The following UBE2K variants were observed in gnomAD, a reference collection of about 807,000 sequenced individuals.
UBE2K encodes ubiquitin conjugating enzyme E2 K, also known as ubiquitin-conjugating enzyme E2 K.
A neutral mutation model predicts 30.0 loss-of-function variants in UBE2K; 6 were observed. The observed-to-expected ratio is 0.20, with a 90% CI of 0.11 to 0.39. The LOEUF (loss-of-function observed/expected upper bound fraction) is 0.39. UBE2K is among the 10% of genes least tolerant of loss of function. UBE2K has a pLI of 1.00. For missense variants in UBE2K, 61 were observed against 241.6 expected (o/e 0.25, Z 4.96); for synonymous variants, 86 against 83.7 (o/e 1.03, Z -0.15).
chr4:39,770,552 T>C, intron 4 of UBE2K: 2 of 1,594,452 alleles, frequency 1.3e-6, no homozygotes, highest in South Asian at 2.2e-5. Flanking sequence ...CCGCCGCTGC[T>C]GCTTCCACCA....
intron 3 of UBE2K, among the ~76,000 whole-genome samples, chr4:39,749,190 G>A (rs890634481): frequency 6.6e-6 from 1 of 152,266 alleles, no homozygotes; most frequent in Admixed American, 6.5e-5. Context: ...ATTATTGACC[G>A]GAAGAGTAGG....
At chr4:39,700,411 C>T (rs1717943943) in intron 1 of UBE2K, among the ~76,000 whole-genome samples, 1 of 152,026 alleles carries the variant, frequency 6.6e-6, no homozygotes. Flanking sequence ...TTGTTTAGAA[C>T]AGTACCTGTA....
chr4:39,751,582 G>A (rs1721253382), intron 3 of UBE2K, among the ~76,000 whole-genome samples: 1 of 152,210 alleles, frequency 6.6e-6, no homozygotes, highest in East Asian at 1.9e-4. Context: ...AGGAGGCTGA[G>A]GCAGAAGAAT....
intron 1 of UBE2K, among the ~76,000 whole-genome samples, chr4:39,709,698 T>C (rs1283444365): frequency 6.6e-6 from 1 of 152,054 alleles, no homozygotes; most frequent in Middle Eastern, 3.2e-3. Flanking sequence ...TACAAAGGAA[T>C]ATATGTGGGC....
chr4:39,725,786 G>A (rs893181321), intron 1 of UBE2K, among the ~76,000 whole-genome samples: 3 of 152,070 alleles, frequency 2.0e-5, no homozygotes, highest in African/African-American at 7.2e-5. Flanking sequence ...GGGACTACAG[G>A]TGCACACCAC....
At chr4:39,771,383 T>G in intron 4 of UBE2K, 1 of 1,612,396 alleles carries the variant, frequency 6.2e-7, no homozygotes, top group South Asian at 1.1e-5. Flanking sequence ...TTCCGTAGCG[T>G]AGCGGCCTAG....
chr4:39,758,537 G>A (rs898878289), intron 4 of UBE2K, among the ~76,000 whole-genome samples: 1 of 152,134 alleles, frequency 6.6e-6, no homozygotes, highest in Non-Finnish European at 1.5e-5. Flanking sequence ...AATTAGCTGG[G>A]CATGGTGGTG....
chr4:39,781,450 C>T lies in UBE2K; in HGVS notation c.*3016C>T, dbSNP rs1003032168. The T allele has an allele frequency of 6.6e-6, 1 of 152,444 alleles. No homozygotes were observed. The highest frequency in any genetic ancestry group is 1.5e-5 in the Non-Finnish European group (1 of 68,364). The allele number at this position is 152,444 out of a possible 1,614,324, so 9.4% of individuals were successfully genotyped here. A position where few individuals can be genotyped will look rare whatever the true frequency, so the allele number is the denominator to read the frequency against. ...TTTAAACGGATTTTGCTTATTTATG[C>T]ACTACAGAATGCAGCATACTGTATT... is the stretch of plus-strand genomic sequence containing the variant. On this transcript the variant is annotated 3_prime_UTR_variant, in exon 7 of 7. Coordinates refer to ENST00000261427, the MANE Select transcript of UBE2K (RefSeq NM_005339.5).
At chr4:39,776,275 A>G (rs1248114116) in intron 5 of UBE2K, among the ~76,000 whole-genome samples, 6 of 152,274 alleles carry the variant, frequency 3.9e-5, no homozygotes, top group South Asian at 2.1e-4. Flanking sequence ...TTCTGTCACT[A>G]TATTTACATA....
intron 3 of UBE2K, among the ~76,000 whole-genome samples, 174 bp downstream of exon 3, chr4:39,745,984 A>G (rs1451365917): frequency 6.6e-6 from 1 of 152,142 alleles, no homozygotes; most frequent in African/African-American, 2.4e-5. Context: ...TTCTGAAATT[A>G]GAATGAAAAG....
In UBE2K at chr4:39,708,874, C is replaced by T. The variant is rs1189688298; in HGVS notation, c.63+10484C>T. Among the ~76,000 whole-genome samples the T allele has an allele frequency of 2.7e-5, 4 of 150,320 alleles. No individual in the cohort carries two copies. In the East Asian group the frequency reaches 7.8e-4, roughly 29 times the overall value. On this transcript the variant is annotated intron_variant, in intron 1 of 6. Coordinates refer to ENST00000261427, the MANE Select transcript of UBE2K (RefSeq NM_005339.5). ...TAAATGATAGTATAAAAGCTGACTGCTAATACAACTTTACAGAAGGGGATA... is the reference window on the plus strand; with the variant it reads ...TAAATGATAGTATAAAAGCTGACTGTTAATACAACTTTACAGAAGGGGATA...
chr4:39,745,848 TATTTTATATTTCTGACCTC>T (rs773621199), intron 3 of UBE2K, 38 bp downstream of exon 3: 3 of 1,445,754 alleles, frequency 2.1e-6, no homozygotes, highest in Non-Finnish European at 2.8e-6. Flanking sequence ...AGTTACAAAA[TATTTTATATTTCTGACCTC>T]ATTTTATTAA....
chr4:39,745,850 T>C lies in UBE2K; in HGVS notation c.216+40T>C, dbSNP rs752696182. 2.8e-6 allele frequency: 4 copies of C among 1,446,074 alleles called. No individual in the cohort carries two copies. In the Admixed American group the frequency reaches 6.3e-5, roughly 23 times the overall value. The allele number at this position is 1,446,074 out of a possible 1,614,324, so 89.6% of individuals were successfully genotyped here. A position where few individuals can be genotyped will look rare whatever the true frequency, so the allele number is the denominator to read the frequency against. ...TTTTTGTGCATGAAGTTACAAAATA[T>C]TTTATATTTCTGACCTCATTTTATT... On this transcript the variant is annotated intron_variant, in intron 3 of 6. Transcript: ENST00000261427.
rs563567637 is a variant in UBE2K, at chr4:39,744,222, T to C, written c.158-1530T>C. ...AGTACCCCAGTTGTGAGAAGCTAGA[T>C]TGTGAAGTGGCACAATCTGGGCTCA... On this transcript the variant is annotated intron_variant, in intron 2 of 6. Transcript: ENST00000261427. Among the ~76,000 whole-genome samples the C allele has an allele frequency of 4.6e-4, 70 of 151,660 alleles. 1 individual carries two copies. Among genetic ancestry groups the C allele is most frequent in the Admixed American group, 1.4e-3 (22 of 15,188 alleles).
At chr4:39,717,163 A>G (rs1245060733) in intron 1 of UBE2K, among the ~76,000 whole-genome samples, 2 of 152,044 alleles carry the variant, frequency 1.3e-5, no homozygotes, top group Admixed American at 6.6e-5. Flanking sequence ...GTCTTTAAAG[A>G]ATAAAATAGA....
intron 4 of UBE2K, chr4:39,770,388 A>G: frequency 6.2e-7 from 1 of 1,613,212 alleles, no homozygotes; most frequent in Non-Finnish European, 8.5e-7. Flanking sequence ...GCACATGAAG[A>G]TGAAGTGCTG....
intron 4 of UBE2K, among the ~76,000 whole-genome samples, chr4:39,763,108 A>C (rs925122726): frequency 6.7e-6 from 1 of 148,328 alleles, no homozygotes; most frequent in Non-Finnish European, 1.5e-5. Context: ...ATGCCCAGCT[A>C]ATATTTGTGT....
intron 5 of UBE2K, among the ~76,000 whole-genome samples, chr4:39,775,738 C>T (rs1339143264): frequency 2.6e-5 from 4 of 152,058 alleles, no homozygotes; most frequent in African/African-American, 9.7e-5. Flanking sequence ...GGTGACAGAA[C>T]GGGACCCTGT....
At chr4:39,740,475 G>C (rs1166665565) in intron 2 of UBE2K, among the ~76,000 whole-genome samples, 3 of 151,238 alleles carry the variant, frequency 2.0e-5, no homozygotes, top group Admixed American at 6.6e-5. Flanking sequence ...CCCGGGAGGC[G>C]GAGCCTTCAG....
Sources: allele counts gnomAD v4.1 joint callset (sites outside exome capture counted in the v4.1 genomes callset), GRCh38; gene constraint gnomAD v4.1.1; transcripts MANE v1.5; gene names NCBI Gene and HGNC (gene_info 2026-07-23, HGNC 2026-07-21).